The following KHDRBS2 variants were observed in gnomAD, a reference collection of about 807,000 sequenced individuals.
KHDRBS2 encodes the protein KH domain-containing, RNA-binding, signal transduction-associated protein 2.
In KHDRBS2, 26 loss-of-function variants were observed where a neutral mutation model predicts 44.3. That is an observed-to-expected ratio of 0.59 (90% CI 0.43 to 0.81). The LOEUF (loss-of-function observed/expected upper bound fraction) is 0.81, where lower values mean the gene tolerates loss of function less well. Among genes scored for constraint, KHDRBS2 ranks in the 40% least tolerant of loss-of-function variants. The pLI is 0.00. For synonymous variants in KHDRBS2, 194 were observed against 151.1 expected, an observed-to-expected ratio of 1.28 and a Z score of -2.08; for missense variants, 476 against 433.1, an observed-to-expected ratio of 1.10 and a Z score of -0.88.
intron 2 of KHDRBS2, among the ~76,000 whole-genome samples, chr6:62,081,039 C>A (rs537367842): frequency 2.6e-5 from 4 of 152,194 alleles, no homozygotes; most frequent in Admixed American, 2.6e-4. Context: ...ACTGACCATA[C>A]GTTATAGATA....
the KHDRBS2 span, among the ~76,000 whole-genome samples, chr6:61,613,167 A>G: frequency 3.9e-5 from 6 of 152,064 alleles, no homozygotes; most frequent in African/African-American, 1.4e-4. Flanking sequence ...GTAGCTTTTT[A>G]CGTATTTGTT....
chr6:61,705,243 G>A (rs1469160409), intron 7 of KHDRBS2, among the ~76,000 whole-genome samples: 2 of 151,618 alleles, frequency 1.3e-5, no homozygotes, highest in Non-Finnish European at 2.9e-5. Context: ...TACTCTTTCC[G>A]ACTCCCTACC....
chr6:61,885,281 G>A (rs1419350760), intron 6 of KHDRBS2, among the ~76,000 whole-genome samples: 9 of 152,030 alleles, frequency 5.9e-5, no homozygotes, highest in African/African-American at 9.7e-5. Context: ...TTTAAAAAGC[G>A]CATTTCTGTT....
At chr6:62,004,335 C>G (rs1778824724) in intron 3 of KHDRBS2, among the ~76,000 whole-genome samples, 1 of 152,044 alleles carries the variant, frequency 6.6e-6, no homozygotes, top group Non-Finnish European at 1.5e-5. Context: ...CCACCCATCC[C>G]ACAGAAATAC....
chr6:62,145,082 G>T (rs772235140), intron 2 of KHDRBS2, among the ~76,000 whole-genome samples: 3 of 151,930 alleles, frequency 2.0e-5, no homozygotes, highest in Non-Finnish European at 4.4e-5. Flanking sequence ...TGTACAGCTT[G>T]CAGAGCCATG....
chr6:62,183,493 T>C (rs1822778185), intron 1 of KHDRBS2, among the ~76,000 whole-genome samples: 1 of 151,618 alleles, frequency 6.6e-6, no homozygotes, highest in African/African-American at 2.4e-5. Context: ...GTGAATTACA[T>C]GGTCTTCCAG....
intron 2 of KHDRBS2, among the ~76,000 whole-genome samples, chr6:62,165,343 C>A (rs1391847292): frequency 2.7e-5 from 4 of 146,220 alleles, no homozygotes; most frequent in African/African-American, 1.0e-4. Context: ...GGGATCTGGT[C>A]TTCCTTTTTT....
intron 7 of KHDRBS2, among the ~76,000 whole-genome samples, chr6:61,716,442 T>G (rs976667908): frequency 3.9e-5 from 6 of 152,004 alleles, no homozygotes; most frequent in Admixed American, 2.0e-4. Context: ...TAAAAATGGT[T>G]GTTCTATACT....
intron 4 of KHDRBS2, among the ~76,000 whole-genome samples, chr6:61,921,356 T>G (rs527272854): frequency 6.6e-6 from 1 of 152,080 alleles, no homozygotes; most frequent in Admixed American, 6.6e-5. Context: ...AACAGGAGAT[T>G]ATATTAACTC....
At chr6:61,911,940 C>G (rs1372546724) in intron 4 of KHDRBS2, among the ~76,000 whole-genome samples, 2 of 151,404 alleles carry the variant, frequency 1.3e-5, no homozygotes, top group Non-Finnish European at 2.9e-5. Flanking sequence ...AATATTTAAT[C>G]ATATTAGAAT....
At chr6:61,775,586 G>A (rs1419655116) in intron 6 of KHDRBS2, among the ~76,000 whole-genome samples, 1 of 152,090 alleles carries the variant, frequency 6.6e-6, no homozygotes, top group Non-Finnish European at 1.5e-5. Flanking sequence ...AACTTACAAG[G>A]GACGTGAAGG....
intron 2 of KHDRBS2, among the ~76,000 whole-genome samples, chr6:62,077,271 T>C (rs1209871740): frequency 1.3e-5 from 2 of 152,028 alleles, no homozygotes; most frequent in African/African-American, 4.8e-5. Flanking sequence ...GCCAAGATCC[T>C]ATGTATGATC....
rs139331531 is a variant in KHDRBS2 at position 61,716,220 on chromosome 6, G to T, written c.893+16462C>A. ...GAGGACTGTATGGGTGTTCCATGCA[G>T]CAGTGCTAATTAAGGGACAAGCTGA... On this transcript the variant is annotated intron_variant, in intron 7 of 8. Transcript: ENST00000281156. Among the ~76,000 whole-genome samples the T allele has an allele frequency of 5.9e-3, 893 of 152,036 alleles. 11 individuals are homozygous for T. Among genetic ancestry groups the T allele is most frequent in the African/African-American group, 0.02 (843 of 41,518 alleles).
the KHDRBS2 span, among the ~76,000 whole-genome samples, chr6:61,664,123 A>G: frequency 2.0e-5 from 3 of 151,750 alleles, no homozygotes; most frequent in African/African-American, 4.8e-5. Flanking sequence ...AACTTGTAAC[A>G]CCACACTTAC....
intron 2 of KHDRBS2, among the ~76,000 whole-genome samples, chr6:62,104,277 T>C (rs1802606894): frequency 1.3e-5 from 2 of 152,006 alleles, no homozygotes; most frequent in South Asian, 2.1e-4. Context: ...GACCATCTTT[T>C]TATCATTAAA....
chr6:61,556,157 A>G, the KHDRBS2 span, among the ~76,000 whole-genome samples: 1 of 151,818 alleles, frequency 6.6e-6, no homozygotes, highest in African/African-American at 2.4e-5. Context: ...ATGCGCATTC[A>G]CTCCTGCAGT....
chr6:62,042,978 T>G (rs116097284), intron 3 of KHDRBS2, among the ~76,000 whole-genome samples: 116 of 152,204 alleles, frequency 7.6e-4, no homozygotes, highest in African/African-American at 2.6e-3. Flanking sequence ...ATACCTTTCA[T>G]TACAACATAA....
Position 62,286,180 on chromosome 6 carries a change from C to A in KHDRBS2, c.-232G>T, listed in dbSNP as rs1449185559. 3.7e-6 allele frequency: 2 copies of A among 537,008 alleles called. No homozygotes were observed. Among genetic ancestry groups the A allele is most frequent in the South Asian group, 2.3e-5 (1 of 43,408 alleles). 33.3% of individuals were successfully genotyped at this position (537,008 alleles called of 1,614,324 possible). A position where few individuals can be genotyped will look rare whatever the true frequency, so the allele number is the denominator to read the frequency against. On this transcript the variant is annotated 5_prime_UTR_variant, in exon 1 of 9. Transcript: ENST00000281156. ...TCCGTCGTCCCTCGCTCGCGCAGAG[C>A]CCCGGCTCACACCAGCGGCCTTAAC...
the KHDRBS2 span, among the ~76,000 whole-genome samples, chr6:61,568,693 T>C: frequency 5.3e-5 from 8 of 152,164 alleles, no homozygotes; most frequent in East Asian, 1.4e-3. Context: ...AGATCTTACA[T>C]GGATTTAGGG....
Sources: allele counts gnomAD v4.1 joint callset (sites outside exome capture counted in the v4.1 genomes callset), GRCh38; gene constraint gnomAD v4.1.1; transcripts MANE v1.5; gene names NCBI Gene and HGNC (gene_info 2026-07-23, HGNC 2026-07-21).